ATP2A3: variants seen among roughly 807,000 people sequenced by gnomAD.
ATP2A3 encodes sarcoplasmic/endoplasmic reticulum calcium ATPase 3.
Under a neutral mutation model 106.8 loss-of-function variants are expected in ATP2A3, and 61 were observed. That is an observed-to-expected ratio of 0.57 (90% confidence interval 0.46 to 0.71). ATP2A3 has a LOEUF of 0.71. Among genes scored for constraint, ATP2A3 ranks in the 30% least tolerant of loss-of-function variants. ATP2A3 has a pLI of 0.00. For synonymous variants in ATP2A3, 611 were observed against 609.3 expected (o/e 1.00, Z -0.04); for missense variants, 1,201 against 1,423.5 (o/e 0.84, Z 2.52).
At chr17:3,945,813 G>A (rs1196047419) in intron 8 of ATP2A3, among the ~76,000 whole-genome samples, 1 of 152,150 alleles carries the variant, frequency 6.6e-6, no homozygotes, top group East Asian at 1.9e-4. Flanking sequence ...TCAAGCAAAT[G>A]GCCAGCCCAG....
At chr17:3,950,868 C>T (rs2054378992) in intron 5 of ATP2A3, 95 bp from the exon 6 acceptor site, 1 of 1,225,776 alleles carries the variant, frequency 8.2e-7, no homozygotes. Flanking sequence ...TGGGGCTGGG[C>T]GTCGGGTGCC....
intron 1 of ATP2A3, among the ~76,000 whole-genome samples, chr17:3,954,962 G>A (rs1473072671): frequency 1.3e-5 from 2 of 152,260 alleles, no homozygotes; most frequent in African/African-American, 2.4e-5. Context: ...CAGGGTGGCG[G>A]TGTGGCTTGG....
At chr17:3,944,500 C>T (rs1179694662) in intron 10 of ATP2A3, among the ~76,000 whole-genome samples, 1 of 152,118 alleles carries the variant, frequency 6.6e-6, no homozygotes, top group Non-Finnish European at 1.5e-5. Flanking sequence ...CCCCCACAGA[C>T]CAAGAGCCCC....
In ATP2A3 at chr17:3,940,229, G is replaced by A. The variant is rs185861337; in HGVS notation, c.2100+742C>T. On this transcript the variant is annotated intron_variant, in intron 14 of 20. Coordinates refer to ENST00000397041, the MANE Select transcript of ATP2A3 (RefSeq NM_005173.4). ...TGTTCCTAAACTCATCAGATAGTACGCCAAAGATCTGTGTGCTTCATCGAA... is the reference window on the plus strand; with the variant it reads ...TGTTCCTAAACTCATCAGATAGTACACCAAAGATCTGTGTGCTTCATCGAA... 1.3e-3 allele frequency among the ~76,000 whole-genome samples: 199 copies of A among 151,936 alleles called. 1 individual carries two copies. Among genetic ancestry groups the A allele is most frequent in the Non-Finnish European group, 2.3e-3 (153 of 67,964 alleles).
Position 3,934,053 on chromosome 17 carries a change from A to G in ATP2A3, c.2610+1139T>C, listed in dbSNP as rs1223465198. Among the ~76,000 whole-genome samples, 4 of 151,016 alleles carry G rather than the reference A, an allele frequency of 2.6e-5. No individual in the cohort carries two copies. In the East Asian group the frequency reaches 7.8e-4, roughly 29 times the overall value. ...ATTCTCCTGCCTCAGCCTCCCGAGT[A>G]GCTGGGAAAACAGGCATCCGCCACC... On this transcript the variant is annotated intron_variant, in intron 17 of 20. Transcript: ENST00000397041.
chr17:3,927,826 C>A (rs531477945), intron 20 of ATP2A3: 28 of 985,458 alleles, frequency 2.8e-5, no homozygotes, highest in Admixed American at 1.8e-4. Flanking sequence ...CCTCCACCCA[C>A]TCCCCTGGGG....
chr17:3,962,860 G>C (rs2055215289), intron 1 of ATP2A3, among the ~76,000 whole-genome samples: 1 of 152,190 alleles, frequency 6.6e-6, no homozygotes, highest in Non-Finnish European at 1.5e-5. Context: ...TGGGACCGCA[G>C]ACCTGCCTGC....
At position 3,928,057 on chromosome 17, in the gene ATP2A3, C is replaced by T. The variant is rs143238410; in HGVS notation, c.2980+606G>A. On this transcript the variant is annotated intron_variant, in intron 20 of 20. Transcript: ENST00000397041. The surrounding 1 kb of genome is among the most constrained non-coding windows in gnomAD (Gnocchi z 6.1). Reference sequence around the variant, plus strand: ...CCTGGCCCTTGGAAGTTCAGAATCACCCACTCTCAGAGCCCACCTGGCAGA... The same window carrying T: ...CCTGGCCCTTGGAAGTTCAGAATCATCCACTCTCAGAGCCCACCTGGCAGA... The T allele has an allele frequency of 1.2e-6, 2 of 1,614,046 alleles. No homozygotes were observed. The highest frequency in any genetic ancestry group is 1.7e-6 in the Non-Finnish European group (2 of 1,179,994).
rs554696338 is a variant in ATP2A3 at position 3,924,487 on chromosome 17, C to T, written c.*935G>A. 3.5e-6 allele frequency: 1 copy of T among 283,976 alleles called. No individual in the cohort carries two copies. The highest frequency in any genetic ancestry group is 7.1e-6 in the Non-Finnish European group (1 of 141,700). 17.6% of individuals were successfully genotyped at this position (283,976 alleles called of 1,614,324 possible). ...GAAGCCCACCAGGCTCAGAGGCCCC[C>T]AGCTGTGCAGACAGCGCGGCGGCCG... On this transcript the variant is annotated 3_prime_UTR_variant, in exon 21 of 21. Transcript: ENST00000397041. The surrounding 1 kb of genome is among the most constrained non-coding windows in gnomAD (Gnocchi z 6.4).
At chr17:3,946,730 G>A (rs1642164334) in intron 8 of ATP2A3, among the ~76,000 whole-genome samples, 1 of 152,174 alleles carries the variant, frequency 6.6e-6, no homozygotes, top group African/African-American at 2.4e-5. Context: ...AAGCCCAGTG[G>A]GCAGATGTGG....
At chr17:3,935,354 C>T in intron 16 of ATP2A3, 77 bp from the exon 17 acceptor site, 1 of 1,388,514 alleles carries the variant, frequency 7.2e-7, no homozygotes, top group Non-Finnish European at 1.0e-6. Context: ...CTAATAATTC[C>T]CTGAATTCCC....
intron 4 of ATP2A3, 22 bp downstream of exon 4, chr17:3,951,559 T>A (rs1306841905): frequency 8.4e-6 from 5 of 596,206 alleles, no homozygotes; most frequent in Non-Finnish European, 1.2e-5. Flanking sequence ...CCCCGCCCGG[T>A]CCCACCCCCA....
intron 10 of ATP2A3, 144 bp downstream of exon 10, chr17:3,944,560 G>C (rs2053976119): frequency 1.3e-6 from 1 of 781,440 alleles, no homozygotes; most frequent in Non-Finnish European, 2.2e-6. Flanking sequence ...GCGGCAGAGA[G>C]GGGTGTGCAG....
In ATP2A3 at chr17:3,941,544, C is replaced by G. The variant is rs758336708; in HGVS notation, c.1656G>C (p.Trp552Cys). Residue 552 changes from tryptophan to cysteine, a missense_variant, in exon 13 of 21, where the codon TGG becomes TGC. Physicochemically the swap from Trp to Cys is radical, Grantham distance 215 (BLOSUM62 -2). Coordinates refer to ENST00000397041, the MANE Select transcript of ATP2A3 (RefSeq NM_005173.4). ...REQILAKIRD[W>C]GSGSDTLRCL... ...AGCGCAGCGTGTCTGAGCCTGAGCC[C>G]CAATCCCGGATCTTTGCCAGGATCT... is the stretch of plus-strand genomic sequence containing the variant. 1 of 1,613,806 alleles carries G rather than the reference C, an allele frequency of 6.2e-7. No homozygotes were observed. The highest frequency in any genetic ancestry group is 8.5e-7 in the Non-Finnish European group (1 of 1,180,026).
intron 15 of ATP2A3, chr17:3,937,202 G>GGGGT: frequency 1.6e-6 from 1 of 621,100 alleles, no homozygotes; most frequent in Non-Finnish European, 2.8e-6. Flanking sequence ...CGTGGGTGCT[G>GGGGT]GGGTGACCAT....
chr17:3,930,364 C>T lies in ATP2A3; in HGVS notation c.2681G>A (p.Arg894His), dbSNP rs747329092. The change falls in exon 18 of 21, where the codon CGC (arginine) becomes CAC (histidine). Residue 894 changes from arginine to histidine, a missense_variant. Coordinates refer to ENST00000397041, the MANE Select transcript of ATP2A3 (RefSeq NM_005173.4). The surrounding 1 kb of genome is among the most constrained non-coding windows in gnomAD (Gnocchi z 5.4). ...AGIDCEVFES[R>H]FPTTMALSVL... ...GGACAAGGCCATGGTGGTGGGGAAG[C>T]GTGACTCGAACACCTCACAGTCGAT... The T allele has an allele frequency of 6.2e-6, 10 of 1,613,596 alleles. No individual in the cohort carries two copies. The highest frequency in any genetic ancestry group is 1.7e-5 in the Admixed American group (1 of 59,924).
chr17:3,944,949 G>T lies in ATP2A3; in HGVS notation c.1184+111C>A, dbSNP rs181059249. 803 of 1,313,976 alleles carry T rather than the reference G, an allele frequency of 6.1e-4. 5 individuals are homozygous for T. In the African/African-American group the frequency reaches 0.011, roughly 19 times the overall value. The allele number at this position is 1,313,976 out of a possible 1,614,324, so 81.4% of individuals were successfully genotyped here. ...CGCCTCCTGGCCCCGCCCCGGGAGA[G>T]GCTCCGCCTCCTGGCCCGCCCCCAG... On this transcript the variant is annotated intron_variant, in intron 9 of 20. Transcript: ENST00000397041.
rs566435943 is a variant in ATP2A3 at position 3,926,442 on chromosome 17, C to T, written c.2981-1001G>A. Among the ~76,000 whole-genome samples the T allele has an allele frequency of 1.6e-4, 25 of 152,272 alleles. No homozygotes were observed. Among genetic ancestry groups the T allele is most frequent in the African/African-American group, 5.8e-4 (24 of 41,550 alleles). ...CTCCAGCAGCCAGGCACCACCTTTC[C>T]AAGCCAAACTTCACAGGGACCACCG... On this transcript the variant is annotated intron_variant, in intron 20 of 20. Coordinates refer to ENST00000397041, the MANE Select transcript of ATP2A3 (RefSeq NM_005173.4). The surrounding 1 kb of genome is among the most constrained non-coding windows in gnomAD (Gnocchi z 4.6).
rs1457798064 is a variant in ATP2A3, at chr17:3,950,574, C to T, written c.567G>A (p.Lys189=). The T allele has an allele frequency of 6.2e-7, 1 of 1,614,170 alleles. No homozygotes were observed. Among genetic ancestry groups the T allele is most frequent in the South Asian group, 1.1e-5 (1 of 91,078 alleles). ...ILTGESVSVT[K]HTEAIPDPRA... is the part of the protein sequence containing the mutation. ...TGGGGTCTGGGATGGCCTCTGTGTGCTTGGTCACGGACACAGATTCACCTG... is the reference window on the plus strand; with the variant it reads ...TGGGGTCTGGGATGGCCTCTGTGTGTTTGGTCACGGACACAGATTCACCTG... The change falls in exon 7 of 21, where the codon AAG becomes AAA. Residue 189 remains lysine (K), a synonymous_variant. Transcript: ENST00000397041.
Sources: gnomAD v4.1 joint callset for allele counts (sites outside exome capture counted in the v4.1 genomes callset) on GRCh38, gnomAD v4.1.1 for gene constraint, Gnocchi (gnomAD v3.1) non-coding constraint, MANE v1.5 for transcripts, NCBI Gene and HGNC (gene_info 2026-07-23, HGNC 2026-07-21) for gene names.